ERN2: variants seen among roughly 807,000 people sequenced by gnomAD.
ERN2 encodes the protein serine/threonine-protein kinase/endoribonuclease IRE2.
ERN2 carries 111 observed loss-of-function variants against 107.9 expected under a neutral mutation model. The ratio of observed to expected loss-of-function variants is 1.03; its 90% CI spans 0.88 to 1.20. The LOEUF is 1.20. Among genes scored for constraint, ERN2 ranks in the 50% most tolerant of loss-of-function variants. The pLI is 0.00. For synonymous variants in ERN2, 524 were observed against 501.7 expected (o/e 1.04, Z -0.59); for missense variants, 1,225 against 1,197.9 (o/e 1.02, Z -0.33).
In ERN2 at chr16:23,702,708, G is replaced by A; in HGVS notation, c.855-6C>T. ...TCCCCACATACAGCGTCATTCTAGT[G>A]GGAGAGAAGAAAAAGAAGAGAAGAA... On this transcript the variant is annotated splice_polypyrimidine_tract_variant and splice_region_variant and intron_variant, in intron 8 of 21. Transcript: ENST00000256797. The A allele has an allele frequency of 6.2e-7, 1 of 1,612,274 alleles. No homozygotes were observed. Among genetic ancestry groups the A allele is most frequent in the Non-Finnish European group, 8.5e-7 (1 of 1,178,290 alleles).
At position 23,713,150 on chromosome 16, in the gene ERN2, C is replaced by CG; in HGVS notation, c.37dup (p.Arg13ProfsTer55). ...CGCGAACTGGAGCTGGAGCCCCAGCCGGGGCCACGGCCTCGACCCCCTGAC... is the reference window on the plus strand; with the variant it reads ...CGCGAACTGGAGCTGGAGCCCCAGCCGGGGGCCACGGCCTCGACCCCCTGAC... On this transcript the variant is annotated frameshift_variant, in exon 1 of 22. Transcript: ENST00000256797. LOFTEE classifies it high-confidence loss of function. 3 of 1,574,000 alleles carry CG rather than the reference C, an allele frequency of 1.9e-6. No individual in the cohort carries two copies. Among genetic ancestry groups the CG allele is most frequent in the Non-Finnish European group, 2.6e-6 (3 of 1,165,768 alleles).
intron 7 of ERN2, 49 bp downstream of exon 7, chr16:23,706,280 TG>T: frequency 7.6e-7 from 1 of 1,313,602 alleles, no homozygotes; most frequent in Non-Finnish European, 1.0e-6. Context: ...CAGGGTTCCC[TG>T]GGTTGGGGAC....
In ERN2 at chr16:23,702,182, C is replaced by T. The variant is rs1472595641; in HGVS notation, c.1173G>A (p.Glu391=). The change falls in exon 11 of 22, where the codon GAG becomes GAA. Residue 391 remains glutamate, a synonymous_variant. Coordinates refer to ENST00000256797, the MANE Select transcript of ERN2 (RefSeq NM_033266.4). ...GSGTAETRPP[E]NTQAPAFFLE... ...AGAAGAAGGCTGGGGCCTGGGTATT[C>T]TCTGGAGGTCTTGTCTCTGCAGTTC... 1 of 1,614,112 alleles carries T rather than the reference C, an allele frequency of 6.2e-7. No homozygotes were observed.
At chr16:23,701,209 A>T in intron 11 of ERN2, 95 bp from the exon 12 acceptor site, 2 of 1,296,536 alleles carry the variant, frequency 1.5e-6, no homozygotes, top group South Asian at 1.4e-5. Context: ...GCTTAGCTGA[A>T]GGGGCAGTGA....
Position 23,705,036 on chromosome 16 carries a change from G to A in ERN2, c.701C>T (p.Thr234Ile). 1 of 1,613,960 alleles carries A rather than the reference G, an allele frequency of 6.2e-7. No homozygotes were observed. The highest frequency in any genetic ancestry group is 8.5e-7 in the Non-Finnish European group (1 of 1,180,028). Reference sequence around the variant, plus strand: ...CTGGCGCAGGCCGTCCTGGTGCCAGGTGTAGACGCCCATCACAGGCACGCC... The same window carrying A: ...CTGGCGCAGGCCGTCCTGGTGCCAGATGTAGACGCCCATCACAGGCACGCC... ...DLGVPVMGVYTWHQDGLRQLP... is the reference protein window; with the variant it reads ...DLGVPVMGVYIWHQDGLRQLP... Residue 234 changes from threonine (T) to isoleucine (I), a missense_variant, in exon 8 of 22, where the codon ACC becomes ATC. Thr to Ile is a moderately conservative substitution (Grantham distance 89). Transcript: ENST00000256797.
chr16:23,695,864 TC>T, intron 14 of ERN2, 29 bp downstream of exon 14: 1 of 1,580,244 alleles, frequency 6.3e-7, no homozygotes, highest in Non-Finnish European at 8.7e-7. Flanking sequence ...GAGTGCCATG[TC>T]CCCAGCTTGG....
intron 11 of ERN2, among the ~76,000 whole-genome samples, chr16:23,701,401 G>A (rs372066569): frequency 5.6e-4 from 85 of 152,308 alleles, no homozygotes; most frequent in African/African-American, 2.0e-3. Context: ...TCCTAAACGC[G>A]TTAGCGCTGG....
rs1959620714 is a variant in ERN2 at position 23,692,092 on chromosome 16, T to G, written c.2249-2A>C. On this transcript the variant is annotated splice_acceptor_variant, in intron 18 of 21. Transcript: ENST00000256797. LOFTEE classifies it high-confidence loss of function. ...CCAGGTCCCGGGCAACCACCTTGTC[T>G]GGAGGATGGAAGAGGAGGAGGAGAG... 1 of 1,613,664 alleles carries G rather than the reference T, an allele frequency of 6.2e-7. No homozygotes were observed.
chr16:23,702,283 G>A lies in ERN2; in HGVS notation c.1082-10C>T, dbSNP rs755785104. 6.2e-7 allele frequency: 1 copy of A among 1,613,922 alleles called. No homozygotes were observed. Among genetic ancestry groups the A allele is most frequent in the South Asian group, 1.1e-5 (1 of 91,052 alleles). ...GGTAGCTCGTGGTGTCCTAAGGTGG[G>A]GGGCAAAAGTCATCAGGCTGAAGGG... On this transcript the variant is annotated splice_polypyrimidine_tract_variant and intron_variant, in intron 10 of 21. Transcript: ENST00000256797.
In ERN2 at chr16:23,702,145, C is replaced by T. The variant is rs1242099184; in HGVS notation, c.1203+7G>A. The T allele has an allele frequency of 1.1e-5, 18 of 1,611,676 alleles. No homozygotes were observed. Among genetic ancestry groups the T allele is most frequent in the Non-Finnish European group, 1.4e-5 (17 of 1,179,162 alleles). Reference sequence around the variant, plus strand: ...CTACCCCCACTCTCTCCCCTCCCAGCACTGACCTCCAAGAAGAAGGCTGGG... The same window carrying T: ...CTACCCCCACTCTCTCCCCTCCCAGTACTGACCTCCAAGAAGAAGGCTGGG... On this transcript the variant is annotated splice_region_variant and intron_variant, in intron 11 of 21. Coordinates refer to ENST00000256797, the MANE Select transcript of ERN2 (RefSeq NM_033266.4).
intron 1 of ERN2, among the ~76,000 whole-genome samples, chr16:23,711,328 ATTGT>A (rs1402514531): frequency 6.6e-6 from 1 of 152,030 alleles, no homozygotes; most frequent in Non-Finnish European, 1.5e-5. Context: ...AAATGACTTC[ATTGT>A]TTGTTTTGTT....
At chr16:23,707,428 C>T in intron 4 of ERN2, 1 of 323,978 alleles carries the variant, frequency 3.1e-6, no homozygotes, top group South Asian at 2.9e-5. Context: ...CGAAAACTTG[C>T]ACTGGGGCAG....
At chr16:23,706,292 C>G (rs1474310935) in intron 7 of ERN2, 38 bp downstream of exon 7, 3 of 1,400,442 alleles carry the variant, frequency 2.1e-6, no homozygotes, top group Non-Finnish European at 2.9e-6. Context: ...GGTTGGGGAC[C>G]TTGCTCCAAG....
intron 13 of ERN2, among the ~76,000 whole-genome samples, chr16:23,697,573 G>A (rs544391310): frequency 6.6e-6 from 1 of 152,228 alleles, no homozygotes; most frequent in East Asian, 1.9e-4. Flanking sequence ...CTTGCTTAGA[G>A]TTTCCTGGAT....
intron 4 of ERN2, among the ~76,000 whole-genome samples, chr16:23,709,002 A>G (rs1960435804): frequency 6.6e-6 from 1 of 152,204 alleles, no homozygotes; most frequent in South Asian, 2.1e-4. Flanking sequence ...ATGTCCTCAA[A>G]CTATTCTATT....
At chr16:23,705,267 C>T in intron 7 of ERN2, 120 bp from the exon 8 acceptor site, 1 of 1,120,834 alleles carries the variant, frequency 8.9e-7, no homozygotes, top group East Asian at 2.5e-5. Flanking sequence ...GTTATCTGGA[C>T]ATGAGAATGT....
intron 13 of ERN2, among the ~76,000 whole-genome samples, chr16:23,697,734 C>T (rs1477067561): frequency 1.3e-5 from 2 of 152,106 alleles, no homozygotes; most frequent in Non-Finnish European, 2.9e-5. Context: ...AATGGAGAGG[C>T]AGCAAATGTG....
chr16:23,700,218 T>A (rs952361747), intron 13 of ERN2, among the ~76,000 whole-genome samples: 5 of 152,164 alleles, frequency 3.3e-5, no homozygotes, highest in African/African-American at 1.2e-4. Flanking sequence ...ATGCCTGTAG[T>A]CACAGCTACT....
At chr16:23,700,380 T>C (rs1381822210) in intron 13 of ERN2, among the ~76,000 whole-genome samples, 159 bp downstream of exon 13, 1 of 152,018 alleles carries the variant, frequency 6.6e-6, no homozygotes, top group Non-Finnish European at 1.5e-5. Flanking sequence ...ACTCCTAGAG[T>C]GCTCAATTAC....
Sources: gnomAD v4.1 joint callset for allele counts (sites outside exome capture counted in the v4.1 genomes callset) on GRCh38, gnomAD v4.1.1 for gene constraint, MANE v1.5 for transcripts, NCBI Gene and HGNC (gene_info 2026-07-23, HGNC 2026-07-21) for gene names.